ZNF385D: variants seen among roughly 807,000 people sequenced by gnomAD.
The protein encoded by ZNF385D is zinc finger protein 385D.
ZNF385D carries 15 observed loss-of-function variants against 35.8 expected under a neutral mutation model. That is an observed-to-expected ratio of 0.42 (90% CI 0.28 to 0.64). The LOEUF (loss-of-function observed/expected upper bound fraction) is 0.64. ZNF385D is among the 30% of genes least tolerant of loss of function. The pLI is 0.23. For missense variants in ZNF385D, 474 were observed against 494.6 expected (o/e 0.96, Z 0.39); for synonymous variants, 212 against 186.8 (o/e 1.13, Z -1.10).
At chr3:22,347,777 C>A (rs1046816363) in intron 2 of ZNF385D, among the ~76,000 whole-genome samples, 5 of 152,048 alleles carry the variant, frequency 3.3e-5, no homozygotes, top group Admixed American at 2.0e-4. Context: ...ATTCCTAAAA[C>A]CACATTTATA....
chr3:21,874,985 T>C (rs892359647), intron 3 of ZNF385D, among the ~76,000 whole-genome samples: 17 of 122,760 alleles, frequency 1.4e-4, no homozygotes, highest in African/African-American at 6.1e-5. Context: ...ATTATTTTGA[T>C]GCCTTTTTTT....
rs144323721 is a variant in ZNF385D at position 22,302,073 on chromosome 3, T to C, written c.106+70377A>G. Among the ~76,000 whole-genome samples, 1,042 of 152,156 alleles carry C rather than the reference T, an allele frequency of 6.8e-3. 8 individuals are homozygous for C. Among genetic ancestry groups the C allele is most frequent in the African/African-American group, 0.023 (963 of 41,554 alleles). ...TTTGCAAACTATGCTCTTATGAAAT[T>C]TCTTGTGCTTGTCTCCTTATGCACA... On this transcript the variant is annotated intron_variant, in intron 2 of 5. Coordinates refer to the ZNF385D transcript ENST00000494108.
At chr3:21,840,214 T>A (rs2630797) in intron 3 of ZNF385D, among the ~76,000 whole-genome samples, 2 of 151,920 alleles carry the variant, frequency 1.3e-5, no homozygotes, top group Admixed American at 6.6e-5. Context: ...AAAAGTAGTA[T>A]GTAAGTATTA....
intron 4 of ZNF385D, among the ~76,000 whole-genome samples, chr3:21,467,686 C>A (rs1703606045): frequency 6.6e-6 from 1 of 152,098 alleles, no homozygotes; most frequent in Non-Finnish European, 1.5e-5. Context: ...CCCATGCTTC[C>A]CCTCAGTGAC....
chr3:21,911,640 T>A (rs147432403), intron 3 of ZNF385D, among the ~76,000 whole-genome samples: 64 of 152,014 alleles, frequency 4.2e-4, no homozygotes, highest in African/African-American at 1.5e-3. Context: ...TATTGAGAAA[T>A]AGTAGCTATA....
At chr3:21,895,832 G>A (rs1020736148) in intron 3 of ZNF385D, among the ~76,000 whole-genome samples, 11 of 152,154 alleles carry the variant, frequency 7.2e-5, no homozygotes, top group African/African-American at 1.7e-4. Context: ...GGCAGTCAAG[G>A]GATGTTAAGA....
intron 3 of ZNF385D, among the ~76,000 whole-genome samples, chr3:22,030,386 G>A (rs1055150753): frequency 7.0e-6 from 1 of 143,868 alleles, no homozygotes; most frequent in Non-Finnish European, 1.5e-5. Context: ...GAGGCCTCAG[G>A]AAACTTACAA....
chr3:22,159,442 A>C (rs1265435270), intron 3 of ZNF385D, among the ~76,000 whole-genome samples: 3 of 152,018 alleles, frequency 2.0e-5, no homozygotes, highest in Admixed American at 6.6e-5. Flanking sequence ...TCCAGACAGG[A>C]GTCGGTCTGG....
chr3:21,750,334 G>T (rs535150644), intron 1 of ZNF385D, among the ~76,000 whole-genome samples: 2 of 152,270 alleles, frequency 1.3e-5, no homozygotes, highest in South Asian at 4.1e-4. Flanking sequence ...ACCTCTAAAG[G>T]TTTCAAATAA....
At chr3:22,160,632 G>T (rs1705884921) in intron 3 of ZNF385D, among the ~76,000 whole-genome samples, 1 of 152,056 alleles carries the variant, frequency 6.6e-6, no homozygotes, top group Non-Finnish European at 1.5e-5. Flanking sequence ...TTAAATGAAA[G>T]AAAATTTAAT....
intron 2 of ZNF385D, among the ~76,000 whole-genome samples, chr3:22,194,278 T>A (rs1055342687): frequency 5.9e-5 from 9 of 151,894 alleles, no homozygotes; most frequent in Admixed American, 3.9e-4. Flanking sequence ...TGCTATTTTA[T>A]TATTCCTTCC....
At chr3:22,334,416 A>T (rs909106480) in intron 2 of ZNF385D, among the ~76,000 whole-genome samples, 3 of 152,152 alleles carry the variant, frequency 2.0e-5, no homozygotes, top group African/African-American at 7.2e-5. Context: ...TTATATTTTT[A>T]AATTCTGTGA....
chr3:21,999,471 C>A (rs1007128746), intron 3 of ZNF385D, among the ~76,000 whole-genome samples: 1 of 152,024 alleles, frequency 6.6e-6, no homozygotes, highest in Non-Finnish European at 1.5e-5. Context: ...AAAAAATCAG[C>A]CAACACCAAC....
At chr3:21,470,479 TTAAAG>T (rs1449883380) in intron 4 of ZNF385D, among the ~76,000 whole-genome samples, 10 of 152,232 alleles carry the variant, frequency 6.6e-5, no homozygotes, top group East Asian at 1.9e-4. Flanking sequence ...TTCTAAAACT[TTAAAG>T]TATAGTTTCA....
chr3:22,130,609 G>T (rs539568771), intron 3 of ZNF385D, among the ~76,000 whole-genome samples: 6 of 152,212 alleles, frequency 3.9e-5, no homozygotes, highest in African/African-American at 1.4e-4. Context: ...CAATTTCCCA[G>T]TGAAAACTTC....
intron 3 of ZNF385D, among the ~76,000 whole-genome samples, chr3:21,859,418 A>C (rs1387424702): frequency 1.3e-5 from 2 of 151,908 alleles, no homozygotes; most frequent in Admixed American, 6.6e-5. Context: ...AAAAAAAAAA[A>C]AACTGAAAAC....
At chr3:22,162,053 A>G (rs1705990536) in intron 3 of ZNF385D, among the ~76,000 whole-genome samples, 1 of 152,168 alleles carries the variant, frequency 6.6e-6, no homozygotes, top group South Asian at 2.1e-4. Context: ...ATGTATATGA[A>G]GTACTTGGAA....
chr3:21,916,841 G>A (rs1700214359), intron 3 of ZNF385D, among the ~76,000 whole-genome samples: 1 of 152,150 alleles, frequency 6.6e-6, no homozygotes, highest in Non-Finnish European at 1.5e-5. Flanking sequence ...ACTTTTGTGT[G>A]TAAAAGGAAA....
intron 3 of ZNF385D, among the ~76,000 whole-genome samples, chr3:22,008,418 T>C (rs1447159913): frequency 6.8e-6 from 1 of 147,468 alleles, no homozygotes; most frequent in Non-Finnish European, 1.5e-5. Context: ...AGTGGCCCGA[T>C]CTCGGCTCAC....
Sources: gnomAD v4.1 joint callset for allele counts (sites outside exome capture counted in the v4.1 genomes callset) on GRCh38, gnomAD v4.1.1 for gene constraint, MANE v1.5 for transcripts, NCBI Gene and HGNC (gene_info 2026-07-23, HGNC 2026-07-21) for gene names.